Variants in REXO2 observed in about 807,000 individuals in gnomAD.
REXO2 encodes the protein oligoribonuclease, mitochondrial.
REXO2 carries 17 observed loss-of-function variants against 30.9 expected under a neutral mutation model. The ratio of observed to expected loss-of-function variants is 0.55; its 90% CI spans 0.38 to 0.82. The LOEUF (loss-of-function observed/expected upper bound fraction) is 0.82. Among genes scored for constraint, REXO2 ranks in the 40% least tolerant of loss-of-function variants. The probability of loss-of-function intolerance (pLI) is 0.00; values close to 1 mark genes in which losing one functional copy is unlikely to be tolerated. For missense variants in REXO2, 253 were observed against 293.2 expected (o/e 0.86, Z 1.00); for synonymous variants, 105 against 99.6 (o/e 1.05, Z -0.32).
At chr11:114,442,978 C>T (rs966608754) in intron 2 of REXO2, among the ~76,000 whole-genome samples, 3 of 152,050 alleles carry the variant, frequency 2.0e-5, no homozygotes, top group African/African-American at 7.2e-5. Flanking sequence ...ATTGCTCCTT[C>T]TTACTCCAAG....
intron 6 of REXO2, 66 bp downstream of exon 6, chr11:114,447,945 C>G: frequency 6.5e-6 from 8 of 1,230,148 alleles, no homozygotes; most frequent in Admixed American, 2.0e-5. Context: ...TTCCTGACTG[C>G]TTGAAATAAT....
intron 1 of REXO2, chr11:114,440,121 C>G (rs771499099): frequency 2.1e-6 from 1 of 465,608 alleles, no homozygotes; most frequent in African/African-American, 2.0e-5. Context: ...CATTGAGGCC[C>G]ACAGAAAGGA....
intron 4 of REXO2, chr11:114,445,120 CATATG>C (rs1946503699): frequency 6.6e-6 from 1 of 152,248 alleles, no homozygotes; most frequent in African/African-American, 2.4e-5. Flanking sequence ...TATTCAGTAT[CATATG>C]ATATCTAGTC....
chr11:114,439,842 C>A, intron 1 of REXO2, 167 bp downstream of exon 1: 1 of 782,492 alleles, frequency 1.3e-6, no homozygotes, highest in South Asian at 1.9e-5. Flanking sequence ...AGGAGTCCTG[C>A]GGGTGTTGGG....
intron 4 of REXO2, chr11:114,445,582 A>C (rs968396629): frequency 9.0e-5 from 14 of 155,712 alleles, no homozygotes; most frequent in Admixed American, 8.9e-4. Context: ...TTGGATTGTA[A>C]ATAAAGGTTT....
Position 114,449,942 on chromosome 11 carries a change from A to G in REXO2, c.681A>G (p.Ile227Met). 4.4e-6 allele frequency: 7 copies of G among 1,608,992 alleles called. No individual in the cohort carries two copies. The highest frequency in any genetic ancestry group is 5.9e-6 in the Non-Finnish European group (7 of 1,177,260). Reference sequence around the variant, plus strand: ...TAGATGAAAAGAAGAGGAAAATTATAGAAAATGGGGAAAATGAGAAGACCG... The same window carrying G: ...TAGATGAAAAGAAGAGGAAAATTATGGAAAATGGGGAAAATGAGAAGACCG... ...KKIDEKKRKI[I>M]ENGENEKTVS The change falls in exon 7 of 7, where the codon ATA becomes ATG. Residue 227 changes from isoleucine to methionine, a missense_variant. Ile to Met is a conservative substitution (Grantham distance 10). Transcript: ENST00000265881.
intron 2 of REXO2, chr11:114,442,040 A>G: frequency 2.2e-6 from 1 of 446,590 alleles, no homozygotes; most frequent in Non-Finnish European, 4.0e-6. Flanking sequence ...TGAAATACTG[A>G]CAGTTTAATG....
At chr11:114,444,225 C>T (rs1386280893) in intron 3 of REXO2, 6 of 609,224 alleles carry the variant, frequency 9.8e-6, no homozygotes, top group African/African-American at 9.1e-5. Context: ...TAGACATCAA[C>T]TTTCAGAGAA....
chr11:114,449,806 G>A (rs1292826221), intron 6 of REXO2, 40 bp from the exon 7 acceptor site: 1 of 1,578,224 alleles, frequency 6.3e-7, no homozygotes, highest in African/African-American at 1.4e-5. Flanking sequence ...TCATCTCCTG[G>A]TTTTGGACAG....
At position 114,444,623 on chromosome 11, in the gene REXO2, A is replaced by G. The variant is rs776005749; in HGVS notation, c.392A>G (p.Gln131Arg). The change falls in exon 4 of 7, where the codon CAG becomes CGG. Residue 131 changes from glutamine (Q) to arginine (R), a missense_variant. Gln to Arg is a conservative substitution (Grantham distance 43). Coordinates refer to ENST00000265881, the MANE Select transcript of REXO2 (RefSeq NM_015523.4). ...GAATTTCTGTCCTTTGTACGACAGC[A>G]GACTCCTCCAGGGCTCTGTCCACTT... ...EYEFLSFVRQ[Q>R]TPPGLCPLAG... 4 of 1,606,458 alleles carry G rather than the reference A, an allele frequency of 2.5e-6. No homozygotes were observed. The highest frequency in any genetic ancestry group is 1.3e-5 in the African/African-American group (1 of 74,328).
Position 114,445,831 on chromosome 11 carries a change from C to G in REXO2, c.422-148C>G, listed in dbSNP as rs1044633788. 10 of 595,132 alleles carry G rather than the reference C, an allele frequency of 1.7e-5. No homozygotes were observed. In the African/African-American group the frequency reaches 1.9e-4, roughly 11 times the overall value. The allele number at this position is 595,132 out of a possible 1,614,324, so 36.9% of individuals were successfully genotyped here. A position where few individuals can be genotyped will look rare whatever the true frequency, so the allele number is the denominator to read the frequency against. ...TACTTGTAAGCTAATCACATTTACC[C>G]AAACCTGATTTAGAAATATAGAGGT... is the stretch of plus-strand genomic sequence containing the variant. On this transcript the variant is annotated intron_variant, in intron 4 of 6. Transcript: ENST00000265881.
chr11:114,443,577 TAATA>T (rs1946494002), intron 2 of REXO2, among the ~76,000 whole-genome samples: 1 of 152,150 alleles, frequency 6.6e-6, no homozygotes, highest in Non-Finnish European at 1.5e-5. Flanking sequence ...TTCTAGCTAT[TAATA>T]AATAGCTGAA....
At chr11:114,448,380 CT>C (rs1946524502) in intron 6 of REXO2, among the ~76,000 whole-genome samples, 1 of 152,118 alleles carries the variant, frequency 6.6e-6, no homozygotes, top group Admixed American at 6.5e-5. Flanking sequence ...ATTTTGTAGT[CT>C]TTCAGGAGAA....
In REXO2 at chr11:114,450,140, T is replaced by A; in HGVS notation, c.*165T>A. The A allele has an allele frequency of 1.7e-6, 1 of 581,640 alleles. No homozygotes were observed. Among genetic ancestry groups the A allele is most frequent in the Non-Finnish European group, 2.8e-6 (1 of 354,640 alleles). The allele number at this position is 581,640 out of a possible 1,614,324, so 36.0% of individuals were successfully genotyped here. On this transcript the variant is annotated 3_prime_UTR_variant, in exon 7 of 7. Transcript: ENST00000265881. ...ATACTATTTTTCTCCTAATATGCTG[T>A]TTCCATTATGACACAGCAGCTCCTT...
At position 114,443,850 on chromosome 11, in the gene REXO2, C is replaced by T; in HGVS notation, c.232-6C>T. ...CTTGGTGACTGATGGCGTTTCCCAT[C>T]CACAGGGTCCTAACCTGATTATAAA... On this transcript the variant is annotated splice_polypyrimidine_tract_variant and splice_region_variant and intron_variant, in intron 2 of 6. Coordinates refer to ENST00000265881, the MANE Select transcript of REXO2 (RefSeq NM_015523.4). 1.2e-6 allele frequency: 2 copies of T among 1,601,360 alleles called. No homozygotes were observed. Among genetic ancestry groups the T allele is most frequent in the Non-Finnish European group, 8.5e-7 (1 of 1,172,978 alleles).
intron 2 of REXO2, 143 bp downstream of exon 2, chr11:114,440,882 G>A: frequency 5.4e-6 from 3 of 557,200 alleles, no homozygotes; most frequent in Admixed American, 3.4e-5. Flanking sequence ...TGGTAGGGGT[G>A]GTACTAGAAC....
intron 5 of REXO2, among the ~76,000 whole-genome samples, chr11:114,447,277 GC>G (rs1199539345): frequency 6.6e-6 from 1 of 152,218 alleles, no homozygotes; most frequent in African/African-American, 2.4e-5. Flanking sequence ...TGGAGAAAGG[GC>G]AGGGCATGGA....
intron 5 of REXO2, 112 bp downstream of exon 5, chr11:114,446,199 A>G (rs1453123538): frequency 2.1e-5 from 13 of 605,560 alleles, no homozygotes; most frequent in African/African-American, 3.7e-5. Context: ...AAGTGGGTTC[A>G]TATCTTCCTC....
intron 4 of REXO2, 74 bp from the exon 5 acceptor site, chr11:114,445,905 C>T (rs1170987473): frequency 3.3e-5 from 27 of 820,408 alleles, no homozygotes; most frequent in Non-Finnish European, 5.5e-5. Flanking sequence ...ATTTCAAATA[C>T]AACTTATGAA....
Sources: allele counts gnomAD v4.1 joint callset (sites outside exome capture counted in the v4.1 genomes callset), GRCh38; gene constraint gnomAD v4.1.1; transcripts MANE v1.5; gene names NCBI Gene and HGNC (gene_info 2026-07-23, HGNC 2026-07-21).